Variants in MAD1L1 observed in about 807,000 individuals in gnomAD.
MAD1L1 encodes the protein mitotic spindle assembly checkpoint protein MAD1.
MAD1L1 carries 95 observed loss-of-function variants against 96.9 expected under a neutral mutation model. The observed-to-expected ratio is 0.98, with a 90% CI of 0.83 to 1.16. The LOEUF (loss-of-function observed/expected upper bound fraction) is 1.16. MAD1L1 is among the 50% of genes most tolerant of loss of function. The pLI is 0.00. For missense variants in MAD1L1, 1,007 were observed against 954.4 expected (o/e 1.06, Z -0.73); for synonymous variants, 473 against 396.6 (o/e 1.19, Z -2.29).
intron 10 of MAD1L1, among the ~76,000 whole-genome samples, chr7:2,158,728 G>A (rs546122831): frequency 5.9e-5 from 9 of 152,330 alleles, no homozygotes; most frequent in Admixed American, 2.0e-4. Flanking sequence ...AGGTGGGGTC[G>A]CCAGGTTGGG....
intron 10 of MAD1L1, among the ~76,000 whole-genome samples, chr7:2,183,947 T>C (rs535060250): frequency 5.7e-4 from 86 of 151,882 alleles, no homozygotes; most frequent in African/African-American, 2.0e-3. Context: ...AAAACAAAGC[T>C]ATTAAGCAAA....
intron 11 of MAD1L1, among the ~76,000 whole-genome samples, chr7:2,117,005 C>A (rs1470957656): frequency 1.3e-5 from 2 of 152,224 alleles, no homozygotes; most frequent in Admixed American, 1.3e-4. Context: ...GAAACCCGAC[C>A]TTGGGGAGCT....
chr7:2,094,940 T>C (rs1786407387), intron 11 of MAD1L1, among the ~76,000 whole-genome samples: 1 of 152,212 alleles, frequency 6.6e-6, no homozygotes, highest in African/African-American at 2.4e-5. Context: ...GGATAATTTG[T>C]GCAGCTCTCT....
chr7:1,984,902 TTC>T (rs1781072305), intron 14 of MAD1L1, among the ~76,000 whole-genome samples: 1 of 152,238 alleles, frequency 6.6e-6, no homozygotes, highest in South Asian at 2.1e-4. Flanking sequence ...TTGCGTGTAA[TTC>T]TCTCGAGGCT....
intron 17 of MAD1L1, among the ~76,000 whole-genome samples, chr7:1,926,716 T>A (rs1207491080): frequency 6.6e-6 from 1 of 152,080 alleles, no homozygotes; most frequent in African/African-American, 2.4e-5. Flanking sequence ...AAACTAAGAA[T>A]GGAAAGAGCG....
chr7:2,081,334 C>T (rs749707831), intron 11 of MAD1L1, among the ~76,000 whole-genome samples: 5 of 152,196 alleles, frequency 3.3e-5, no homozygotes, highest in Non-Finnish European at 7.3e-5. Context: ...GAAAGTCCAT[C>T]GAGTTCCCTC....
At chr7:2,041,797 G>A (rs1050929620) in intron 12 of MAD1L1, among the ~76,000 whole-genome samples, 1 of 150,464 alleles carries the variant, frequency 6.6e-6, no homozygotes, top group Admixed American at 6.6e-5. Flanking sequence ...TCACTTCCAC[G>A]CTGCAAAAAT....
intron 17 of MAD1L1, among the ~76,000 whole-genome samples, chr7:1,928,760 C>T (rs1050936882): frequency 2.0e-5 from 3 of 152,182 alleles, no homozygotes; most frequent in East Asian, 1.9e-4. Flanking sequence ...GGGGGCATGA[C>T]GTAAACACAG....
intron 11 of MAD1L1, among the ~76,000 whole-genome samples, chr7:2,129,755 C>T (rs1788421120): frequency 6.6e-6 from 1 of 152,206 alleles, no homozygotes; most frequent in South Asian, 2.1e-4. Context: ...CAGAGACAGT[C>T]CAAGGAGTGC....
rs747023834 is a variant in MAD1L1 at position 2,219,454 on chromosome 7, G to A, written c.474C>T (p.Thr158=). ...KEDSLAQAGE[T]INALKGRISE... ...AGATCCTCCCCTTCAGTGCGTTGAT[G>A]GTCTAAAAGTAGAGGGGACCAGAGA... The change falls in exon 6 of 19, where the codon ACC becomes ACT. Residue 158 remains threonine (T), a splice_region_variant and synonymous_variant. Transcript: ENST00000265854. 18 of 1,613,572 alleles carry A rather than the reference G, an allele frequency of 1.1e-5. No individual in the cohort carries two copies. Among genetic ancestry groups the A allele is most frequent in the Middle Eastern group, 1.7e-4 (1 of 6,060 alleles).
intron 17 of MAD1L1, among the ~76,000 whole-genome samples, chr7:1,927,166 T>TATTTCTAACA (rs1369126765): frequency 1.3e-5 from 2 of 152,098 alleles, no homozygotes; most frequent in Non-Finnish European, 2.9e-5. Context: ...AAACCATGTG[T>TATTTCTAACA]ATTTCTAACA....
At chr7:2,163,003 T>C (rs1245897206) in intron 10 of MAD1L1, among the ~76,000 whole-genome samples, 1 of 152,248 alleles carries the variant, frequency 6.6e-6, no homozygotes, top group Non-Finnish European at 1.5e-5. Context: ...CACTATTTGC[T>C]TTATTCAATA....
intron 11 of MAD1L1, among the ~76,000 whole-genome samples, chr7:2,092,959 C>T (rs1012261918): frequency 2.0e-5 from 3 of 151,858 alleles, no homozygotes; most frequent in East Asian, 1.9e-4. Flanking sequence ...GCATTTGGGC[C>T]GAGTGCAGTG....
intron 12 of MAD1L1, among the ~76,000 whole-genome samples, chr7:2,063,786 C>T (rs1048479463): frequency 6.6e-6 from 1 of 152,330 alleles, no homozygotes; most frequent in South Asian, 2.1e-4. Flanking sequence ...CACCAGAACA[C>T]ACTCCTTCAT....
At chr7:1,999,922 C>T (rs918709922) in intron 14 of MAD1L1, among the ~76,000 whole-genome samples, 31 of 152,182 alleles carry the variant, frequency 2.0e-4, no homozygotes, top group African/African-American at 6.8e-4. Context: ...CTGCCCTCCA[C>T]GGAGTACCCC....
At chr7:1,990,097 C>T (rs559136010) in intron 14 of MAD1L1, among the ~76,000 whole-genome samples, 26 of 152,356 alleles carry the variant, frequency 1.7e-4, no homozygotes, top group Non-Finnish European at 3.4e-4. Context: ...AGAGTGAGGG[C>T]GTCCACATGC....
At chr7:1,847,984 C>T (rs925923895) in intron 18 of MAD1L1, 1 of 349,788 alleles carries the variant, frequency 2.9e-6, no homozygotes, top group Non-Finnish European at 5.7e-6. Context: ...AGCCCCTGAC[C>T]ACACTGGTTT....
intron 11 of MAD1L1, among the ~76,000 whole-genome samples, chr7:2,073,378 T>C (rs1007316666): frequency 6.6e-6 from 1 of 152,192 alleles, no homozygotes; most frequent in Non-Finnish European, 1.5e-5. Context: ...GACAGAGCAG[T>C]TCCCGACCCC....
chr7:1,863,421 G>A (rs1784625665), intron 18 of MAD1L1, among the ~76,000 whole-genome samples: 2 of 152,230 alleles, frequency 1.3e-5, no homozygotes, highest in African/African-American at 4.8e-5. Flanking sequence ...GGGAGACCTC[G>A]CGGTCCACTG....
Sources: gnomAD v4.1 joint callset for allele counts (sites outside exome capture counted in the v4.1 genomes callset) on GRCh38, gnomAD v4.1.1 for gene constraint, MANE v1.5 for transcripts, NCBI Gene and HGNC (gene_info 2026-07-23, HGNC 2026-07-21) for gene names.